The following GRID1 variants were observed in gnomAD, a reference collection of about 807,000 sequenced individuals.
GRID1 encodes the protein glutamate ionotropic receptor delta type subunit 1, also known as glutamate receptor ionotropic, delta-1.
GRID1 carries 28 observed loss-of-function variants against 98.0 expected under a neutral mutation model. The observed-to-expected ratio is 0.29, with a 90% CI of 0.21 to 0.39. The LOEUF is 0.39. Among genes scored for constraint, GRID1 ranks in the 10% least tolerant of loss-of-function variants. The probability of loss-of-function intolerance (pLI) is 1.00; values close to 1 mark genes in which losing one functional copy is unlikely to be tolerated. For missense variants in GRID1, 1,111 were observed against 1,340.5 expected, an observed-to-expected ratio of 0.83 and a Z score of 2.67; for synonymous variants, 553 against 538.5, an observed-to-expected ratio of 1.03 and a Z score of -0.37.
chr10:85,870,278 C>T (rs1843264693), intron 5 of GRID1, among the ~76,000 whole-genome samples: 1 of 152,242 alleles, frequency 6.6e-6, no homozygotes, highest in African/African-American at 2.4e-5. Context: ...GAACATCAGA[C>T]TCCAAGTTCT....
chr10:85,715,587 G>A (rs1841629343), intron 12 of GRID1, among the ~76,000 whole-genome samples: 1 of 151,988 alleles, frequency 6.6e-6, no homozygotes, highest in African/African-American at 2.4e-5. Context: ...ACATATAAAT[G>A]ACCAAAAGAT....
At chr10:86,312,014 C>A (rs1175307365) in intron 2 of GRID1, among the ~76,000 whole-genome samples, 2 of 152,360 alleles carry the variant, frequency 1.3e-5, no homozygotes, top group East Asian at 3.9e-4. Flanking sequence ...GCATTGGGGG[C>A]TGGCCTTTGT....
intron 8 of GRID1, among the ~76,000 whole-genome samples, chr10:85,792,590 GTCTC>G (rs1842490441): frequency 6.6e-6 from 1 of 152,116 alleles, no homozygotes; most frequent in African/African-American, 2.4e-5. Context: ...CAGGATCCTG[GTCTC>G]TCTCTTTCCA....
At chr10:85,690,876 C>A (rs1489770015) in intron 12 of GRID1, among the ~76,000 whole-genome samples, 1 of 151,974 alleles carries the variant, frequency 6.6e-6, no homozygotes, top group Non-Finnish European at 1.5e-5. Context: ...AGTGCAGACA[C>A]ACACACACAC....
At chr10:86,185,666 T>A (rs1845716702) in intron 3 of GRID1, among the ~76,000 whole-genome samples, 1 of 152,184 alleles carries the variant, frequency 6.6e-6, no homozygotes, top group African/African-American at 2.4e-5. Context: ...TGCTGAGAGT[T>A]TTAACATAAC....
intron 4 of GRID1, among the ~76,000 whole-genome samples, chr10:85,995,242 G>A (rs111718022): frequency 3.3e-5 from 5 of 152,134 alleles, no homozygotes; most frequent in African/African-American, 7.2e-5. Context: ...TTGATGGGAC[G>A]GCCACCTATC....
At chr10:86,090,278 A>C (rs1464447382) in intron 4 of GRID1, among the ~76,000 whole-genome samples, 1 of 151,528 alleles carries the variant, frequency 6.6e-6, no homozygotes, top group Non-Finnish European at 1.5e-5. Context: ...AAAAAAAAAA[A>C]TAGTGGGCAT....
chr10:86,206,660 G>A lies in GRID1; in HGVS notation c.236-12C>T. ...CATGAGGTCACAGGCTAGAAAGAGAGAAGAGAGAGAGGAAGGGGTCAGCAT... is the reference window on the plus strand; with the variant it reads ...CATGAGGTCACAGGCTAGAAAGAGAAAAGAGAGAGAGGAAGGGGTCAGCAT... On this transcript the variant is annotated splice_polypyrimidine_tract_variant and intron_variant, in intron 2 of 15. Transcript: ENST00000327946. This position sits in a 1 kb window ranked among gnomAD's most constrained non-coding sequence, Gnocchi z 4.1. 6.2e-7 allele frequency: 1 copy of A among 1,605,428 alleles called. No individual in the cohort carries two copies. Among genetic ancestry groups the A allele is most frequent in the East Asian group, 2.2e-5 (1 of 44,674 alleles).
intron 4 of GRID1, among the ~76,000 whole-genome samples, chr10:86,087,460 G>A (rs1338629134): frequency 1.3e-5 from 2 of 148,878 alleles, no homozygotes; most frequent in Non-Finnish European, 3.0e-5. Flanking sequence ...TTGTTCCTGA[G>A]ACTGTTTATA....
At chr10:86,078,649 T>C (rs948195725) in intron 4 of GRID1, among the ~76,000 whole-genome samples, 1 of 152,238 alleles carries the variant, frequency 6.6e-6, no homozygotes, top group South Asian at 2.1e-4. Context: ...AGCCCTGCCT[T>C]CAGCACCGGA....
intron 13 of GRID1, among the ~76,000 whole-genome samples, chr10:85,639,999 A>G (rs1276094581): frequency 6.6e-6 from 1 of 152,248 alleles, no homozygotes; most frequent in Non-Finnish European, 1.5e-5. Flanking sequence ...ATACATTGGT[A>G]TACTTGCAAC....
chr10:85,645,998 G>A (rs564984275), intron 13 of GRID1: 1 of 152,694 alleles, frequency 6.5e-6, no homozygotes, highest in African/African-American at 2.4e-5. Flanking sequence ...ATGAAGGGCA[G>A]GGCGGTGGGC....
At chr10:86,340,789 GC>G (rs879931943) in intron 2 of GRID1, among the ~76,000 whole-genome samples, 22 of 152,312 alleles carry the variant, frequency 1.4e-4, no homozygotes, top group Admixed American at 1.3e-3. Context: ...AGGGAGCAGA[GC>G]AACTGGATGA....
At chr10:86,325,928 A>G (rs1848043314) in intron 2 of GRID1, among the ~76,000 whole-genome samples, 1 of 152,264 alleles carries the variant, frequency 6.6e-6, no homozygotes, top group Non-Finnish European at 1.5e-5. Flanking sequence ...AGTGTTGAAA[A>G]AGGACAGACA....
chr10:86,065,424 C>T (rs1231049222), intron 4 of GRID1, among the ~76,000 whole-genome samples: 1 of 152,238 alleles, frequency 6.6e-6, no homozygotes, highest in Non-Finnish European at 1.5e-5. Context: ...CCTTCTCTAC[C>T]TCATACCCCC....
rs146496400 is a variant in GRID1, at chr10:85,924,286, A to G, written c.727-8047T>C. On this transcript the variant is annotated intron_variant, in intron 4 of 15. Coordinates refer to ENST00000327946, the MANE Select transcript of GRID1 (RefSeq NM_017551.3). ...TATGGAACTAGTGTCCTCACTTTGC[A>G]CGAACTTCATTATACACTTGATTTT... Among the ~76,000 whole-genome samples, 564 of 152,336 alleles carry G rather than the reference A, an allele frequency of 3.7e-3. 3 individuals carry two copies. Among genetic ancestry groups the G allele is most frequent in the Admixed American group, 4.6e-3 (71 of 15,308 alleles).
chr10:85,874,828 T>G (rs1018931697), intron 5 of GRID1, among the ~76,000 whole-genome samples: 2 of 152,008 alleles, frequency 1.3e-5, no homozygotes, highest in African/African-American at 4.8e-5. Flanking sequence ...TATTGGCTAT[T>G]TTTAATATAT....
rs1342754070 is a variant in GRID1, at chr10:85,737,673, T to TATATAA, written c.1234-8060_1234-8059insTTATAT. Among the ~76,000 whole-genome samples, 486 of 112,924 alleles carry TATATAA rather than the reference T, an allele frequency of 4.3e-3. 25 individuals are homozygous for TATATAA. Among genetic ancestry groups the TATATAA allele is most frequent in the African/African-American group, 0.015 (412 of 28,148 alleles). The allele number at this position is 112,924 out of a possible 152,430, so 74.1% of individuals were successfully genotyped here. A position where few individuals can be genotyped will look rare whatever the true frequency, so the allele number is the denominator to read the frequency against. ...ATATATATATATATATATATATATA[T>TATATAA]AAACATATATGGTTATATATATATA... On this transcript the variant is annotated intron_variant, in intron 8 of 15. Transcript: ENST00000327946.
chr10:85,824,095 A>G (rs1001037935), intron 8 of GRID1, among the ~76,000 whole-genome samples: 2 of 152,228 alleles, frequency 1.3e-5, no homozygotes, highest in Admixed American at 6.5e-5. Flanking sequence ...AAAAATAGCA[A>G]TGTATTAAGG....
Sources: allele counts gnomAD v4.1 joint callset (sites outside exome capture counted in the v4.1 genomes callset), GRCh38; gene constraint gnomAD v4.1.1; non-coding constraint Gnocchi (gnomAD v3.1); transcripts MANE v1.5; gene names NCBI Gene and HGNC (gene_info 2026-07-23, HGNC 2026-07-21).